GABRG3: variants seen among roughly 807,000 people sequenced by gnomAD.
The protein encoded by GABRG3 is gamma-aminobutyric acid receptor subunit gamma-3.
Under a neutral mutation model 48.8 loss-of-function variants are expected in GABRG3, and 25 were observed. That is an observed-to-expected ratio of 0.51 (90% CI 0.37 to 0.72). The LOEUF is 0.72. Among genes scored for constraint, GABRG3 ranks in the 30% least tolerant of loss-of-function variants. The pLI is 0.00. For synonymous variants in GABRG3, 227 were observed against 217.6 expected (o/e 1.04, Z -0.38); for missense variants, 394 against 577.9 (o/e 0.68, Z 3.26).
rs1378295865 is a variant in GABRG3, at chr15:27,509,108, CT to C, written c.713-10859del. 3.3e-5 allele frequency among the ~76,000 whole-genome samples: 5 copies of C among 152,262 alleles called. No homozygotes were observed. The East Asian group carries it at 9.7e-4, about 29-fold the overall frequency. On this transcript the variant is annotated intron_variant, in intron 6 of 9. Coordinates refer to ENST00000615808, the MANE Select transcript of GABRG3 (RefSeq NM_033223.5). ...TTTACTGAGTTTCACTGTGGGTTTA[CT>C]TTTTCTTTCAGAAACTTAAAGATTT... is the stretch of plus-strand genomic sequence containing the variant.
chr15:27,437,034 C>T (rs143663779), intron 5 of GABRG3, among the ~76,000 whole-genome samples: 53 of 111,604 alleles, frequency 4.7e-4, no homozygotes, highest in African/African-American at 1.4e-3. Context: ...AGAGAGAGAG[C>T]GCCCACATTC....
chr15:27,199,531 C>T (rs1888613784), intron 3 of GABRG3, among the ~76,000 whole-genome samples: 1 of 152,094 alleles, frequency 6.6e-6, no homozygotes, highest in South Asian at 2.1e-4. Flanking sequence ...AGGTGGATCC[C>T]TCATGAAGGG....
chr15:26,985,806 T>C (rs1470602131), intron 2 of GABRG3, among the ~76,000 whole-genome samples: 1 of 152,342 alleles, frequency 6.6e-6, no homozygotes, highest in East Asian at 1.9e-4. Context: ...TAAGATACTA[T>C]GATTGATAAT....
chr15:27,358,186 G>A (rs956719868), intron 5 of GABRG3, among the ~76,000 whole-genome samples: 70 of 152,130 alleles, frequency 4.6e-4, no homozygotes, highest in African/African-American at 1.5e-3. Context: ...TGTTTTCTTA[G>A]AAGTGACAGA....
chr15:27,275,200 A>AG (rs1891213687), intron 3 of GABRG3, among the ~76,000 whole-genome samples: 1 of 152,206 alleles, frequency 6.6e-6, no homozygotes, highest in African/African-American at 2.4e-5. Context: ...CTCAAATGTT[A>AG]AGTAGATTTG....
intron 5 of GABRG3, among the ~76,000 whole-genome samples, chr15:27,367,346 C>G (rs934915022): frequency 1.3e-5 from 2 of 152,144 alleles, no homozygotes; most frequent in Admixed American, 1.3e-4. Flanking sequence ...CCTGGATGGA[C>G]CAAAGTCATA....
chr15:27,160,718 C>G (rs1303438350), intron 3 of GABRG3, among the ~76,000 whole-genome samples: 2 of 151,016 alleles, frequency 1.3e-5, no homozygotes, highest in East Asian at 2.0e-4. Context: ...TTCTTCTGGT[C>G]TCACATTGCT....
In GABRG3 at chr15:27,236,233, G is replaced by A. The variant is rs558689643; in HGVS notation, c.271-90576G>A. On this transcript the variant is annotated intron_variant, in intron 3 of 9. Transcript: ENST00000615808. This position sits in a 1 kb window ranked among gnomAD's most constrained non-coding sequence, Gnocchi z 4.4. The stretch of plus-strand genomic sequence containing the variant: ...TGCTTATCCCTGTGGAGACTCTGAT[G>A]TGCTCAGCGCTACATGAGTGAAGTC... Among the ~76,000 whole-genome samples the A allele has an allele frequency of 2.8e-4, 42 of 152,316 alleles. No individual in the cohort carries two copies. The highest frequency in any genetic ancestry group is 8.9e-4 in the African/African-American group (37 of 41,576).
intron 3 of GABRG3, among the ~76,000 whole-genome samples, chr15:27,187,815 G>A (rs1244211995): frequency 2.0e-5 from 3 of 151,838 alleles, no homozygotes; most frequent in African/African-American, 7.3e-5. Flanking sequence ...ACATGCTGGT[G>A]TGCTGCACCC....
chr15:27,209,380 TTTTC>T lies in GABRG3; in HGVS notation c.271-117417_271-117414del, dbSNP rs977106552. On this transcript the variant is annotated intron_variant, in intron 3 of 9. Coordinates refer to ENST00000615808, the MANE Select transcript of GABRG3 (RefSeq NM_033223.5). ...CTTCCTTCCTTCCTTCTTTCTTTTC[TTTTC>T]TTTCTTTCTTTTCTTTTTTTTTTGA... Among the ~76,000 whole-genome samples, 25 of 152,136 alleles carry T rather than the reference TTTTC, an allele frequency of 1.6e-4. No homozygotes were observed. In the East Asian group the frequency reaches 4.3e-3, roughly 26 times the overall value.
chr15:27,274,298 C>T (rs890024954), intron 3 of GABRG3, among the ~76,000 whole-genome samples: 3 of 152,148 alleles, frequency 2.0e-5, no homozygotes, highest in African/African-American at 7.2e-5. Flanking sequence ...TAACACGACA[C>T]CTGAGGCTGG....
chr15:27,157,065 T>G (rs1898449510), intron 3 of GABRG3, among the ~76,000 whole-genome samples: 3 of 152,104 alleles, frequency 2.0e-5, no homozygotes, highest in African/African-American at 7.2e-5. Flanking sequence ...ATTTCTGAAG[T>G]GGAAGAGAAG....
At chr15:27,043,777 G>A (rs937549601) in intron 3 of GABRG3, among the ~76,000 whole-genome samples, 3 of 152,158 alleles carry the variant, frequency 2.0e-5, no homozygotes, top group Non-Finnish European at 2.9e-5. Flanking sequence ...TTTTTACCTC[G>A]CAGTTTATAT....
intron 7 of GABRG3, among the ~76,000 whole-genome samples, chr15:27,523,327 G>A (rs1037909465): frequency 6.6e-6 from 1 of 151,542 alleles, no homozygotes; most frequent in Non-Finnish European, 1.5e-5. Flanking sequence ...ACAATGAATA[G>A]CATCTTTCTC....
intron 5 of GABRG3, among the ~76,000 whole-genome samples, chr15:27,415,530 G>A (rs2140604361): frequency 6.6e-6 from 1 of 152,198 alleles, no homozygotes; most frequent in South Asian, 2.1e-4. Flanking sequence ...CTGGGGACCG[G>A]GGGAAAGGGT....
At position 27,298,624 on chromosome 15, in the gene GABRG3, T is replaced by G. The variant is rs958198055; in HGVS notation, c.271-28185T>G. On this transcript the variant is annotated intron_variant, in intron 3 of 9. Transcript: ENST00000615808. Reference sequence around the variant, plus strand: ...CTTAGAAACAAACGGAAAGGTAGCTTCTTGCATGACTCAATTTTAAGCTTA... The same window carrying G: ...CTTAGAAACAAACGGAAAGGTAGCTGCTTGCATGACTCAATTTTAAGCTTA... Among the ~76,000 whole-genome samples the G allele has an allele frequency of 3.9e-5, 6 of 152,278 alleles. No individual in the cohort carries two copies. In the East Asian group the frequency reaches 1.2e-3, roughly 29 times the overall value.
rs1203925908 is a variant in GABRG3 at position 27,160,293 on chromosome 15, T to C, written c.270+133472T>C. ...GCCATCTTTCCTTAGGTCAGTCTGA[T>C]TGTGAGCTGCTTCTTGCCCCAACCC... On this transcript the variant is annotated intron_variant, in intron 3 of 9. Transcript: ENST00000615808. Among the ~76,000 whole-genome samples, 4 of 152,174 alleles carry C rather than the reference T, an allele frequency of 2.6e-5. No homozygotes were observed. In the East Asian group the frequency reaches 7.7e-4, roughly 29 times the overall value.
chr15:27,431,863 G>GT (rs1888464158), intron 5 of GABRG3, among the ~76,000 whole-genome samples: 2 of 152,126 alleles, frequency 1.3e-5, no homozygotes, highest in South Asian at 4.1e-4. Flanking sequence ...TTGTTTAAAA[G>GT]TATTTCCTTT....
At chr15:27,376,639 G>A (rs1394344335) in intron 5 of GABRG3, among the ~76,000 whole-genome samples, 3 of 152,170 alleles carry the variant, frequency 2.0e-5, no homozygotes, top group African/African-American at 7.2e-5. Flanking sequence ...CGAACTTTAT[G>A]TTGGCCCCTT....
Sources: gnomAD v4.1 joint callset for allele counts (sites outside exome capture counted in the v4.1 genomes callset) on GRCh38, gnomAD v4.1.1 for gene constraint, Gnocchi (gnomAD v3.1) non-coding constraint, MANE v1.5 for transcripts, NCBI Gene and HGNC (gene_info 2026-07-23, HGNC 2026-07-21) for gene names.